TNRC6A: variants seen among roughly 807,000 people sequenced by gnomAD.
TNRC6A encodes the protein trinucleotide repeat-containing gene 6A protein.
A neutral mutation model predicts 221.2 loss-of-function variants in TNRC6A; 44 were observed. That is an observed-to-expected ratio of 0.20 (90% CI 0.16 to 0.26). The LOEUF (loss-of-function observed/expected upper bound fraction) is 0.26, where lower values mean the gene tolerates loss of function less well. Ranked by LOEUF, TNRC6A falls within the 10% of genes least tolerant of loss-of-function variation. The pLI is 1.00. For synonymous variants in TNRC6A, 847 were observed against 838.5 expected (o/e 1.01, Z -0.18); for missense variants, 2,199 against 2,404.4 (o/e 0.91, Z 1.79).
chr16:24,625,497 G>A (rs912870495), intron 1 of TNRC6A, among the ~76,000 whole-genome samples: 13 of 152,084 alleles, frequency 8.5e-5, no homozygotes, highest in African/African-American at 2.9e-4. Flanking sequence ...AGGCCGAGGC[G>A]GGTGGATCAT....
intron 2 of TNRC6A, among the ~76,000 whole-genome samples, chr16:24,749,349 G>C (rs2057084915): frequency 6.6e-6 from 1 of 152,138 alleles, no homozygotes; most frequent in African/African-American, 2.4e-5. Context: ...AGTAAGATGG[G>C]CTTTGTTCTG....
intron 4 of TNRC6A, among the ~76,000 whole-genome samples, chr16:24,774,131 G>A (rs574327165): frequency 4.6e-4 from 70 of 152,166 alleles, no homozygotes; most frequent in African/African-American, 1.6e-3. Flanking sequence ...CCAGTGGTTT[G>A]GGTGATTATG....
chr16:24,775,433 A>T (rs2057699206), intron 4 of TNRC6A, among the ~76,000 whole-genome samples: 1 of 152,244 alleles, frequency 6.6e-6, no homozygotes, highest in East Asian at 1.9e-4. Flanking sequence ...TATATTAAAA[A>T]AGTATAAATG....
chr16:24,736,506 C>T (rs111256337), intron 2 of TNRC6A, among the ~76,000 whole-genome samples: 4 of 152,274 alleles, frequency 2.6e-5, no homozygotes, highest in African/African-American at 7.2e-5. Flanking sequence ...TGAAGTTTCT[C>T]TTACATTAGG....
intron 2 of TNRC6A, among the ~76,000 whole-genome samples, chr16:24,740,800 T>C (rs1339571803): frequency 6.6e-6 from 1 of 152,196 alleles, no homozygotes; most frequent in Non-Finnish European, 1.5e-5. Context: ...AAATCATAAC[T>C]CCCTATTGCC....
At chr16:24,680,411 A>T in intron 2 of TNRC6A, among the ~76,000 whole-genome samples, 1 of 150,670 alleles carries the variant, frequency 6.6e-6, no homozygotes, top group South Asian at 2.1e-4. Context: ...ACAGAGTCAG[A>T]CACTGTCTCT....
At chr16:24,762,633 A>T (rs2057388158) in intron 4 of TNRC6A, among the ~76,000 whole-genome samples, 1 of 152,194 alleles carries the variant, frequency 6.6e-6, no homozygotes, top group Admixed American at 6.5e-5. Context: ...TTCAGTGTAT[A>T]CTAGCACAAG....
chr16:24,822,725 G>A (rs1057198094), intron 23 of TNRC6A, 149 bp from the exon 24 acceptor site: 43 of 1,136,456 alleles, frequency 3.8e-5, no homozygotes, highest in Middle Eastern at 3.0e-4. Context: ...TCTGCACCCC[G>A]TCAGAGCAAC....
At chr16:24,648,757 C>A (rs76969166) in intron 2 of TNRC6A, among the ~76,000 whole-genome samples, 52 of 152,310 alleles carry the variant, frequency 3.4e-4, no homozygotes, top group Admixed American at 5.9e-4. Context: ...TGTTGAGCAT[C>A]TTTTCATGTG....
chr16:24,818,065 C>G (rs998376424), intron 20 of TNRC6A, among the ~76,000 whole-genome samples: 10 of 152,170 alleles, frequency 6.6e-5, no homozygotes, highest in South Asian at 2.1e-4. Flanking sequence ...GTGGTCGGGT[C>G]TAGAGCTCAA....
chr16:24,791,531 C>A lies in TNRC6A; in HGVS notation c.2889C>A (p.Gly963=). 3.2e-6 allele frequency: 5 copies of A among 1,538,514 alleles called. No homozygotes were observed. Among genetic ancestry groups the A allele is most frequent in the Non-Finnish European group, 4.4e-6 (5 of 1,147,166 alleles). ...CTTGGGGAATCCCACCAGCTACAGGCAAACCTCCTGGTACAGGCTGGCTGG... is the reference window on the plus strand; with the variant it reads ...CTTGGGGAATCCCACCAGCTACAGGAAAACCTCCTGGTACAGGCTGGCTGG... ...VGSWGIPPAT[G]KPPGTGWLGG... Residue 963 remains glycine, a synonymous_variant, in exon 6 of 25, where the codon GGC becomes GGA. Transcript: ENST00000395799.
At chr16:24,720,691 C>CAAAA (rs60226517) in intron 2 of TNRC6A, among the ~76,000 whole-genome samples, 3 of 28,732 alleles carry the variant, frequency 1.0e-4, no homozygotes, top group East Asian at 1.2e-3. Context: ...AACTTCATCT[C>CAAAA]AAAAAAAAAA....
chr16:24,811,720 C>T (rs946076636), intron 18 of TNRC6A, among the ~76,000 whole-genome samples: 2 of 151,756 alleles, frequency 1.3e-5, no homozygotes, highest in African/African-American at 4.8e-5. Context: ...CTAGTATAGT[C>T]ATTATCCAGG....
intron 5 of TNRC6A, among the ~76,000 whole-genome samples, chr16:24,781,235 G>A (rs1004614317): frequency 6.6e-6 from 1 of 151,326 alleles, no homozygotes; most frequent in Non-Finnish European, 1.5e-5. Flanking sequence ...ATTTTTGTGT[G>A]TTTTGTAGAG....
intron 1 of TNRC6A, among the ~76,000 whole-genome samples, chr16:24,620,143 A>C (rs1198687733): frequency 6.8e-5 from 10 of 147,566 alleles, no homozygotes; most frequent in Admixed American, 6.7e-4. Context: ...CCCAGTTTCA[A>C]AAAAAAAAAG....
intron 2 of TNRC6A, among the ~76,000 whole-genome samples, chr16:24,644,180 G>T (rs1002258293): frequency 7.5e-6 from 1 of 133,372 alleles, no homozygotes; most frequent in South Asian, 2.4e-4. Flanking sequence ...TCTGCCTTCC[G>T]GATTCACGCC....
At chr16:24,727,780 T>A (rs146586343), upstream of TNRC6A, among the ~76,000 whole-genome samples, 161 of 152,322 alleles carry the variant, frequency 1.1e-3, no homozygotes, top group Middle Eastern at 3.4e-3. Context: ...AACACCATAG[T>A]AACTTTTAAA....
At chr16:24,812,949 C>T (rs920078312) in intron 18 of TNRC6A, among the ~76,000 whole-genome samples, 2 of 134,018 alleles carry the variant, frequency 1.5e-5, no homozygotes, top group African/African-American at 5.7e-5. Context: ...AATCTCAGGT[C>T]ACTGCAGCCT....
rs760958951 is a variant in TNRC6A, at chr16:24,804,786, C to T, written c.3919C>T (p.Leu1307=). The part of the protein sequence containing the change: ...SMKLPPSNSA[L]PNQALGSIAG... ...GAAGCTTCCCCCTTCAAATAGTGCA[C>T]TACCTAACCAGGCCCTTGGCTCCAT... The change falls in exon 13 of 25, where the codon CTA becomes TTA. Residue 1307 remains leucine, a synonymous_variant. Coordinates refer to ENST00000395799, the MANE Select transcript of TNRC6A (RefSeq NM_014494.4). 21 of 1,609,654 alleles carry T rather than the reference C, an allele frequency of 1.3e-5. No homozygotes were observed. Among genetic ancestry groups the T allele is most frequent in the Admixed American group, 1.7e-5 (1 of 58,428 alleles).
Sources: gnomAD v4.1 joint callset for allele counts (sites outside exome capture counted in the v4.1 genomes callset) on GRCh38, gnomAD v4.1.1 for gene constraint, MANE v1.5 for transcripts, NCBI Gene and HGNC (gene_info 2026-07-23, HGNC 2026-07-21) for gene names.